Variants in RBKS observed in about 807,000 individuals in gnomAD.
RBKS encodes ribokinase.
Under a neutral mutation model 33.9 loss-of-function variants are expected in RBKS, and 33 were observed. The observed-to-expected ratio is 0.97, with a 90% CI of 0.74 to 1.30. RBKS has a LOEUF of 1.30. Ranked by LOEUF, RBKS falls within the 50% of genes most tolerant of loss-of-function variation. The pLI is 0.00. For missense variants in RBKS, 361 were observed against 392.6 expected (o/e 0.92, Z 0.68); for synonymous variants, 125 against 143.0 (o/e 0.87, Z 0.90).
intron 3 of RBKS, 58 bp downstream of exon 3, chr2:27,847,976 T>A: frequency 1.0e-6 from 1 of 1,003,080 alleles, no homozygotes; most frequent in South Asian, 1.5e-5. Flanking sequence ...ATTTTTCTCA[T>A]AACAAAATCA....
chr2:27,853,235 G>A (rs1173369780), intron 2 of RBKS, among the ~76,000 whole-genome samples: 3 of 151,492 alleles, frequency 2.0e-5, no homozygotes, highest in Non-Finnish European at 2.9e-5. Flanking sequence ...GTGTGGTGCT[G>A]CATGCCTGTA....
intron 7 of RBKS, among the ~76,000 whole-genome samples, chr2:27,790,089 T>C (rs1677493386): frequency 6.6e-6 from 1 of 150,968 alleles, no homozygotes; most frequent in African/African-American, 2.4e-5. Flanking sequence ...CTTGGCCTCT[T>C]GAAGTGCTGA....
rs184352233 is a variant in RBKS, at chr2:27,851,304, T to C, written c.223-3207A>G. Among the ~76,000 whole-genome samples the C allele has an allele frequency of 4.6e-4, 70 of 152,342 alleles. 1 individual carries two copies. The highest frequency in any genetic ancestry group is 3.4e-3 in the Admixed American group (52 of 15,294). ...GTTTTTCAAGTATCAGCTTAAGGTC[T>C]ACCTTCCCTACTCTGGCCCTTGTTA... On this transcript the variant is annotated intron_variant, in intron 2 of 7. Transcript: ENST00000302188.
rs1274615530 is a variant in RBKS at position 27,783,409 on chromosome 2, T to C, written c.796-1621A>G. On this transcript the variant is annotated intron_variant, in intron 7 of 7. Coordinates refer to ENST00000302188, the MANE Select transcript of RBKS (RefSeq NM_022128.3). ...AAGAGCTGAGAGCCATTTGATATTATTTCTAAACCAAATATAGGGACACAT... is the reference window on the plus strand; with the variant it reads ...AAGAGCTGAGAGCCATTTGATATTACTTCTAAACCAAATATAGGGACACAT... 5.3e-5 allele frequency among the ~76,000 whole-genome samples: 8 copies of C among 152,226 alleles called. No individual in the cohort carries two copies. In the East Asian group the frequency reaches 1.5e-3, roughly 29 times the overall value.
At chr2:27,824,618 C>G (rs188293475) in intron 7 of RBKS, among the ~76,000 whole-genome samples, 1 of 152,190 alleles carries the variant, frequency 6.6e-6, no homozygotes, top group Non-Finnish European at 1.5e-5. Flanking sequence ...GTTTATCCAT[C>G]ATCTGCTGAT....
At chr2:27,889,673 C>T (rs1664664632) in intron 1 of RBKS, among the ~76,000 whole-genome samples, 1 of 152,132 alleles carries the variant, frequency 6.6e-6, no homozygotes, top group South Asian at 2.1e-4. Context: ...TATTTTGATT[C>T]ATACTTGGCT....
intron 7 of RBKS, among the ~76,000 whole-genome samples, chr2:27,784,872 A>G (rs1373286619): frequency 6.6e-6 from 1 of 152,168 alleles, no homozygotes; most frequent in Non-Finnish European, 1.5e-5. Context: ...GAAGGATGCA[A>G]TGGAGAAAGA....
chr2:27,854,435 C>T (rs185984759), intron 2 of RBKS, among the ~76,000 whole-genome samples: 1 of 152,244 alleles, frequency 6.6e-6, no homozygotes, highest in Admixed American at 6.5e-5. Context: ...AGGATCTGGT[C>T]AAAACATGGT....
chr2:27,861,798 T>C (rs1330157622), intron 1 of RBKS, among the ~76,000 whole-genome samples: 2 of 151,772 alleles, frequency 1.3e-5, no homozygotes, highest in Admixed American at 1.3e-4. Flanking sequence ...ATTACAGGCA[T>C]GCACCACCAT....
At chr2:27,788,441 C>T (rs916085589) in intron 7 of RBKS, among the ~76,000 whole-genome samples, 3 of 152,206 alleles carry the variant, frequency 2.0e-5, no homozygotes, top group Admixed American at 2.0e-4. Context: ...CGCGGTGGCT[C>T]ACGCCTGTAA....
chr2:27,825,448 C>T (rs1418997020), intron 7 of RBKS, among the ~76,000 whole-genome samples: 2 of 152,192 alleles, frequency 1.3e-5, no homozygotes, highest in African/African-American at 4.8e-5. Context: ...TCCTCAGTTT[C>T]CTATGTACCA....
chr2:27,786,990 TTTTC>T (rs1034715795), intron 7 of RBKS, among the ~76,000 whole-genome samples: 12 of 152,212 alleles, frequency 7.9e-5, no homozygotes, highest in African/African-American at 2.4e-4. Context: ...TGTGTTGCTT[TTTTC>T]TTTCTTTCTT....
rs1161206494 is a variant in RBKS at position 27,783,975 on chromosome 2, C to CTTTTTTTT, written c.796-2195_796-2188dup. Among the ~76,000 whole-genome samples, 6 of 55,312 alleles carry CTTTTTTTT rather than the reference C, an allele frequency of 1.1e-4. 2 individuals are homozygous for CTTTTTTTT. The highest frequency in any genetic ancestry group is 1.8e-4 in the Non-Finnish European group (5 of 28,030). The allele number at this position is 55,312 out of a possible 152,430, so 36.3% of individuals were successfully genotyped here. A position where few individuals can be genotyped will look rare whatever the true frequency, so the allele number is the denominator to read the frequency against. ...ATTCAACAGCTCTCAGGGTCATTTT[C>CTTTTTTTT]TTTTTTTTTTTTTTTTTTTTTTTTT... On this transcript the variant is annotated intron_variant, in intron 7 of 7. Transcript: ENST00000302188.
chr2:27,799,172 AATTCCAGTTG>A, intron 7 of RBKS, among the ~76,000 whole-genome samples: 1 of 152,332 alleles, frequency 6.6e-6, no homozygotes, highest in African/African-American at 2.4e-5. Context: ...TGGTTTGCCA[AATTCCAGTTG>A]ATAGAAAAGG....
chr2:27,872,500 T>C (rs1230813666), intron 1 of RBKS, among the ~76,000 whole-genome samples: 1 of 152,002 alleles, frequency 6.6e-6, no homozygotes, highest in Non-Finnish European at 1.5e-5. Flanking sequence ...GCTTTATCAA[T>C]ATCAGCCAAA....
rs1678340855 is a variant in RBKS at position 27,827,715 on chromosome 2, T to A, written c.647A>T (p.Asp216Val). The part of the protein sequence containing the change: ...LTGLTVGSAA[D>V]AGEAALVLLK... ...GAGCACTAATGCAGCCTCCCCAGCA[T>A]CTGCAGCGCTGCCCACCGTGAGGCC... The change falls in exon 7 of 8, where the codon GAT becomes GTT. Residue 216 changes from aspartate to valine, a missense_variant. Coordinates refer to ENST00000302188, the MANE Select transcript of RBKS (RefSeq NM_022128.3). The A allele has an allele frequency of 6.2e-7, 1 of 1,611,260 alleles. No individual in the cohort carries two copies. The highest frequency in any genetic ancestry group is 8.5e-7 in the Non-Finnish European group (1 of 1,179,062).
At chr2:27,836,863 T>C (rs777591958) in intron 5 of RBKS, among the ~76,000 whole-genome samples, 3 of 152,148 alleles carry the variant, frequency 2.0e-5, no homozygotes, top group Non-Finnish European at 4.4e-5. Flanking sequence ...CAAAAGAAGA[T>C]ACACGAGTGG....
Position 27,781,777 on chromosome 2 carries a change from G to A in RBKS, c.807C>T (p.Asp269=). 2 of 1,613,440 alleles carry A rather than the reference G, an allele frequency of 1.2e-6. No individual in the cohort carries two copies. Among genetic ancestry groups the A allele is most frequent in the Non-Finnish European group, 1.7e-6 (2 of 1,179,672 alleles). Residue 269 remains aspartate, a synonymous_variant, in exon 8 of 8, where the codon GAC becomes GAT. Coordinates refer to ENST00000302188, the MANE Select transcript of RBKS (RefSeq NM_022128.3). ...AGAAGGCCAGAGCTCCCACAAAGCT[G>A]TCACCAGCACCCTGTAATTGAAAGC... ...VKAVDTTGAG[D]SFVGALAFYL... is the part of the protein sequence containing the mutation.
intron 1 of RBKS, among the ~76,000 whole-genome samples, chr2:27,882,049 G>T (rs1210736595): frequency 1.3e-5 from 2 of 152,066 alleles, no homozygotes; most frequent in Admixed American, 1.3e-4. Context: ...TGCAACAAAA[G>T]CAAAAATTGA....
Sources: gnomAD v4.1 joint callset for allele counts (sites outside exome capture counted in the v4.1 genomes callset) on GRCh38, gnomAD v4.1.1 for gene constraint, MANE v1.5 for transcripts, NCBI Gene and HGNC (gene_info 2026-07-23, HGNC 2026-07-21) for gene names.